Variants in DIPK1A observed in about 807,000 individuals in gnomAD.
The protein encoded by DIPK1A is divergent protein kinase domain 1A, also known as family with sequence similarity 69 member A.
A neutral mutation model predicts 40.8 loss-of-function variants in DIPK1A; 27 were observed. The ratio of observed to expected loss-of-function variants is 0.66; its 90% CI spans 0.49 to 0.91. The LOEUF (loss-of-function observed/expected upper bound fraction) is 0.91, where lower values mean the gene tolerates loss of function less well. DIPK1A is among the 40% of genes least tolerant of loss of function. The pLI is 0.00. For synonymous variants in DIPK1A, 166 were observed against 171.3 expected (o/e 0.97, Z 0.24); for missense variants, 412 against 505.7 (o/e 0.81, Z 1.78).
chr1:92,868,997 C>T (rs1264303788), intron 2 of DIPK1A, among the ~76,000 whole-genome samples: 1 of 150,222 alleles, frequency 6.7e-6, no homozygotes, highest in Non-Finnish European at 1.5e-5. Context: ...GGCATTCTAT[C>T]TTGCTTACCA....
chr1:92,961,437 A>C lies in DIPK1A; in HGVS notation c.-8T>G, dbSNP rs1652090506. On this transcript the variant is annotated 5_prime_UTR_variant, in exon 1 of 5. Coordinates refer to ENST00000370310, the MANE Select transcript of DIPK1A (RefSeq NM_001006605.5). ...ACAGAGACTCCTCGCCATGGTAATC[A>C]CACATCGCCCCGCCGCGCTGCAGTC... 6.7e-7 allele frequency: 1 copy of C among 1,499,654 alleles called. No homozygotes were observed. Among genetic ancestry groups the C allele is most frequent in the Non-Finnish European group, 8.9e-7 (1 of 1,119,826 alleles). The allele number at this position is 1,499,654 out of a possible 1,614,324, so 92.9% of individuals were successfully genotyped here.
intron 1 of DIPK1A, among the ~76,000 whole-genome samples, chr1:92,951,619 C>T (rs184069200): frequency 6.6e-6 from 1 of 152,258 alleles, no homozygotes; most frequent in East Asian, 1.9e-4. Context: ...TACAGGAGCA[C>T]TGGAAAACTA....
Position 92,846,792 on chromosome 1 carries a change from CATATATATATATATAT to C in DIPK1A, c.474+375_474+390del, listed in dbSNP as rs1180062565. On this transcript the variant is annotated intron_variant, in intron 4 of 4. Transcript: ENST00000370310. Reference sequence around the variant, plus strand: ...TACAGGCACATGCCACCACTCCTGGCATATATATATATATATATATATATATATATATATATATATA... The same window carrying C: ...TACAGGCACATGCCACCACTCCTGGCATATATATATATATATATATATATA... Among the ~76,000 whole-genome samples the C allele has an allele frequency of 1.2e-4, 2 of 16,032 alleles. 1 individual carries two copies. The highest frequency in any genetic ancestry group is 2.5e-4 in the Non-Finnish European group (2 of 8,024). The allele number at this position is 16,032 out of a possible 152,430, so 10.5% of individuals were successfully genotyped here. A position where few individuals can be genotyped will look rare whatever the true frequency, so the allele number is the denominator to read the frequency against.
At chr1:92,895,829 C>T (rs539566652) in intron 1 of DIPK1A, among the ~76,000 whole-genome samples, 2 of 152,122 alleles carry the variant, frequency 1.3e-5, no homozygotes, top group African/African-American at 4.8e-5. Flanking sequence ...AATCAATGTG[C>T]AAAAATAACA....
intron 2 of DIPK1A, among the ~76,000 whole-genome samples, chr1:92,851,978 T>C (rs1018294425): frequency 6.6e-6 from 1 of 152,178 alleles, no homozygotes; most frequent in African/African-American, 2.4e-5. Flanking sequence ...AAATGTTCTC[T>C]TTGCTGGAGG....
intron 2 of DIPK1A, among the ~76,000 whole-genome samples, chr1:92,860,511 C>T (rs936427867): frequency 7.2e-5 from 11 of 151,726 alleles, no homozygotes; most frequent in African/African-American, 1.7e-4. Flanking sequence ...ACTTGGGGGC[C>T]GGACACAGTG....
chr1:92,926,605 G>T (rs1197920166), intron 1 of DIPK1A, among the ~76,000 whole-genome samples: 1 of 152,154 alleles, frequency 6.6e-6, no homozygotes, highest in Non-Finnish European at 1.5e-5. Context: ...CTCTAAAAGG[G>T]ATATGAAAAT....
rs1687008007 is a variant in DIPK1A, at chr1:92,833,735, G to A, written c.475-701C>T. Reference sequence around the variant, plus strand: ...GCTTGGGAAGCAAAGCACATGGTGTGTGTGTTAGAAGGGCTGTCTAGCACC... The same window carrying A: ...GCTTGGGAAGCAAAGCACATGGTGTATGTGTTAGAAGGGCTGTCTAGCACC... On this transcript the variant is annotated intron_variant, in intron 4 of 4. Coordinates refer to the DIPK1A transcript ENST00000615519. 5 of 1,228,626 alleles carry A rather than the reference G, an allele frequency of 4.1e-6. No homozygotes were observed. In the Admixed American group the frequency reaches 6.9e-5, roughly 17 times the overall value. The allele number at this position is 1,228,626 out of a possible 1,614,324, so 76.1% of individuals were successfully genotyped here.
At position 92,842,958 on chromosome 1, in the gene DIPK1A, G is replaced by A. The variant is rs1339417816; in HGVS notation, c.*425C>T. On this transcript the variant is annotated 3_prime_UTR_variant, in exon 5 of 5. Transcript: ENST00000370310. ...TTGCAGTCTTAATTTCTGTTAATGT[G>A]CAAACTTTACCATGCTAAGACATTA... 1.0e-6 allele frequency: 1 copy of A among 989,872 alleles called. No individual in the cohort carries two copies. Among genetic ancestry groups the A allele is most frequent in the African/African-American group, 1.7e-5 (1 of 57,304 alleles). The allele number at this position is 989,872 out of a possible 1,614,324, so 61.3% of individuals were successfully genotyped here.
At chr1:92,957,591 G>A (rs958117658) in intron 1 of DIPK1A, among the ~76,000 whole-genome samples, 3 of 152,202 alleles carry the variant, frequency 2.0e-5, no homozygotes, top group African/African-American at 7.2e-5. Context: ...GACTAACAGT[G>A]TGCCTGCCCA....
At chr1:92,839,847 C>CT (rs539843617), downstream of DIPK1A, among the ~76,000 whole-genome samples, 405 of 146,696 alleles carry the variant, frequency 2.8e-3, 5 homozygotes, top group African/African-American at 7.9e-3. Context: ...TGTTTTCTTA[C>CT]TTTTTTTTTT....
At chr1:92,875,588 G>A (rs906242291) in intron 2 of DIPK1A, among the ~76,000 whole-genome samples, 7 of 151,772 alleles carry the variant, frequency 4.6e-5, no homozygotes, top group Admixed American at 1.3e-4. Flanking sequence ...GTGGTAGTGC[G>A]AGCCTGTGAT....
At chr1:92,948,608 T>C (rs1292152901) in intron 1 of DIPK1A, among the ~76,000 whole-genome samples, 1 of 147,366 alleles carries the variant, frequency 6.8e-6, no homozygotes, top group African/African-American at 2.5e-5. Context: ...TTCATATTCA[T>C]ATATATATAT....
intron 4 of DIPK1A, chr1:92,833,677 A>G: frequency 6.3e-7 from 1 of 1,587,438 alleles, no homozygotes; most frequent in Admixed American, 1.7e-5. Flanking sequence ...TGTATTCTAG[A>G]CAGTCCCCTT....
chr1:92,883,283 C>G (rs922365897), intron 1 of DIPK1A, among the ~76,000 whole-genome samples: 1 of 152,154 alleles, frequency 6.6e-6, no homozygotes, highest in African/African-American at 2.4e-5. Flanking sequence ...TACTAGCAAT[C>G]TATATATAAA....
At chr1:92,936,084 T>A (rs1263399157) in intron 1 of DIPK1A, among the ~76,000 whole-genome samples, 4 of 150,870 alleles carry the variant, frequency 2.7e-5, no homozygotes, top group Admixed American at 2.6e-4. Context: ...AGACTTCATC[T>A]CAAAAAGAAA....
chr1:92,834,658 A>C (rs1687046246), intron 4 of DIPK1A: 5 of 1,347,358 alleles, frequency 3.7e-6, no homozygotes, highest in African/African-American at 2.9e-5. Flanking sequence ...AAGAGTCTTA[A>C]GCATTTTAAG....
At chr1:92,892,425 A>C (rs1348636414) in intron 1 of DIPK1A, among the ~76,000 whole-genome samples, 1 of 152,206 alleles carries the variant, frequency 6.6e-6, no homozygotes, top group African/African-American at 2.4e-5. Flanking sequence ...CTCCAACAGA[A>C]CTGCAGCTGA....
rs544119172 is a variant in DIPK1A at position 92,897,622 on chromosome 1, G to A, written c.55-21192C>T. On this transcript the variant is annotated intron_variant, in intron 1 of 4. Transcript: ENST00000370310. ...GTATACATATGTAACAAACCTGCACGTTGTGCACATGTACCCTAAAACTTA... is the reference window on the plus strand; with the variant it reads ...GTATACATATGTAACAAACCTGCACATTGTGCACATGTACCCTAAAACTTA... 2.4e-4 allele frequency among the ~76,000 whole-genome samples: 36 copies of A among 150,634 alleles called. 3 individuals carry two copies. In the South Asian group the frequency reaches 6.1e-3, roughly 26 times the overall value.
Sources: gnomAD v4.1 joint callset for allele counts (sites outside exome capture counted in the v4.1 genomes callset) on GRCh38, gnomAD v4.1.1 for gene constraint, MANE v1.5 for transcripts, NCBI Gene and HGNC (gene_info 2026-07-23, HGNC 2026-07-21) for gene names.